Variants in DLC1 observed in about 807,000 individuals in gnomAD.
DLC1 encodes the protein DLC1 Rho GTPase activating protein, also known as rho GTPase-activating protein 7.
Under a neutral mutation model 140.3 loss-of-function variants are expected in DLC1, and 54 were observed. That is an observed-to-expected ratio of 0.38 (90% CI 0.31 to 0.48). DLC1 has a LOEUF of 0.48. DLC1 is among the 20% of genes least tolerant of loss of function. DLC1 has a pLI of 0.96. For missense variants in DLC1, 2,536 were observed against 1,907.0 expected (o/e 1.33, Z -6.14); for synonymous variants, 986 against 728.1 (o/e 1.35, Z -5.70).
intron 2 of DLC1, among the ~76,000 whole-genome samples, chr8:13,482,968 C>T (rs1800803291): frequency 6.6e-6 from 1 of 152,180 alleles, no homozygotes; most frequent in Non-Finnish European, 1.5e-5. Flanking sequence ...TCACTACAAA[C>T]TTAACTGTTC....
intron 1 of DLC1, among the ~76,000 whole-genome samples, chr8:13,541,206 C>T (rs548831183): frequency 2.6e-5 from 4 of 152,172 alleles, no homozygotes; most frequent in Non-Finnish European, 4.4e-5. Flanking sequence ...CACAGGTTGG[C>T]GGGCATTTTG....
intron 2 of DLC1, among the ~76,000 whole-genome samples, chr8:13,489,472 A>T (rs185462435): frequency 6.7e-6 from 1 of 149,566 alleles, no homozygotes. Context: ...TATTAAGAAT[A>T]GCTGAAGTCA....
chr8:13,094,954 C>T lies in DLC1; in HGVS notation c.3331G>A (p.Gly1111Arg). ...YLRNHCLDQV[G>R]LFRKSGVKSR... is the part of the protein sequence containing the mutation. Reference sequence around the variant, plus strand: ...TTGACCCCCGATTTTCTGAAGAGCCCAACCTGTCGGAAGAGCAACACTAAG... The same window carrying T: ...TTGACCCCCGATTTTCTGAAGAGCCTAACCTGTCGGAAGAGCAACACTAAG... The change falls in exon 12 of 18, where the codon GGG becomes AGG. Residue 1111 changes from glycine (G) to arginine (R), a missense_variant. By Grantham distance (125) the Gly-to-Arg change is moderately radical (BLOSUM62 -2). Coordinates refer to ENST00000276297, the MANE Select transcript of DLC1 (RefSeq NM_182643.3). 1 of 1,614,174 alleles carries T rather than the reference C, an allele frequency of 6.2e-7. No homozygotes were observed. The highest frequency in any genetic ancestry group is 8.5e-7 in the Non-Finnish European group (1 of 1,180,020).
chr8:13,371,684 G>A (rs2117119382), intron 4 of DLC1, among the ~76,000 whole-genome samples: 1 of 151,508 alleles, frequency 6.6e-6, no homozygotes, highest in East Asian at 1.9e-4. Context: ...AGCACCCATT[G>A]TGTAACACCT....
chr8:13,400,283 C>T (rs772556656), intron 3 of DLC1, among the ~76,000 whole-genome samples: 2 of 152,028 alleles, frequency 1.3e-5, no homozygotes, highest in African/African-American at 2.4e-5. Flanking sequence ...GTGCTTGATC[C>T]GTGCGGTACT....
chr8:13,096,144 T>C (rs1433910073), intron 10 of DLC1: 1 of 152,168 alleles, frequency 6.6e-6, no homozygotes, highest in African/African-American at 2.4e-5. Context: ...GAAAAGAACC[T>C]TGTGTAGGAT....
intron 5 of DLC1, among the ~76,000 whole-genome samples, chr8:13,139,751 C>T (rs1822835746): frequency 1.3e-5 from 2 of 152,216 alleles, no homozygotes; most frequent in Admixed American, 1.3e-4. Flanking sequence ...TGGTCTTTAC[C>T]AAGGACAGCT....
intron 13 of DLC1, among the ~76,000 whole-genome samples, chr8:13,092,142 G>A (rs1179801025): frequency 6.6e-6 from 1 of 152,212 alleles, no homozygotes; most frequent in African/African-American, 2.4e-5. Flanking sequence ...CTACTCGGGA[G>A]GCTGAGGCAG....
chr8:13,221,144 C>T (rs1196880493), intron 5 of DLC1, among the ~76,000 whole-genome samples: 2 of 152,140 alleles, frequency 1.3e-5, no homozygotes, highest in Admixed American at 6.5e-5. Context: ...AGGTCATTAG[C>T]TTTCACAAGT....
intron 5 of DLC1, among the ~76,000 whole-genome samples, chr8:13,237,083 G>A (rs909414590): frequency 6.6e-6 from 1 of 151,620 alleles, no homozygotes; most frequent in Non-Finnish European, 1.5e-5. Context: ...TTCTCATACA[G>A]AAGTGCTTAT....
exon 1 of DLC1, chr8:13,604,588 T>G (rs1278967030): frequency 6.6e-6 from 1 of 152,222 alleles, no homozygotes; most frequent in Non-Finnish European, 1.5e-5. Context: ...ATGAACTCAC[T>G]GCCAATGTGT....
At chr8:13,182,778 T>G (rs1826117694) in intron 5 of DLC1, among the ~76,000 whole-genome samples, 2 of 152,190 alleles carry the variant, frequency 1.3e-5, no homozygotes, top group African/African-American at 4.8e-5. Context: ...TTGTTCTTTT[T>G]GCTTAGGATT....
Position 13,514,693 on chromosome 8 carries a change from T to G in DLC1, c.-217A>C, listed in dbSNP as rs1036988660. 7 of 398,428 alleles carry G rather than the reference T, an allele frequency of 1.8e-5. No individual in the cohort carries two copies. The highest frequency in any genetic ancestry group is 3.1e-5 in the Non-Finnish European group (7 of 226,022). The allele number at this position is 398,428 out of a possible 1,614,324, so 24.7% of individuals were successfully genotyped here. A position where few individuals can be genotyped will look rare whatever the true frequency, so the allele number is the denominator to read the frequency against. ...CGTCCCCGTTAGTTTCTCCAAAATCTAAGTTCCCATTTCGTGGTTGAGATC... is the reference window on the plus strand; with the variant it reads ...CGTCCCCGTTAGTTTCTCCAAAATCGAAGTTCCCATTTCGTGGTTGAGATC... On this transcript the variant is annotated 5_prime_UTR_variant, in exon 1 of 18. An upstream open reading frame in the 5' UTR loses its in-frame stop. Transcript: ENST00000276297.
At chr8:13,376,955 A>T (rs1468189126) in intron 4 of DLC1, among the ~76,000 whole-genome samples, 3 of 152,176 alleles carry the variant, frequency 2.0e-5, no homozygotes, top group Admixed American at 1.3e-4. Flanking sequence ...TATAAAGAGG[A>T]GAAGGAAAAA....
chr8:13,298,576 A>C (rs535186054), intron 5 of DLC1, among the ~76,000 whole-genome samples: 1 of 152,360 alleles, frequency 6.6e-6, no homozygotes, highest in South Asian at 2.1e-4. Flanking sequence ...CATGATCTAG[A>C]GAAGACACAC....
At chr8:13,096,803 T>G (rs1027107718) in intron 10 of DLC1, among the ~76,000 whole-genome samples, 1 of 152,222 alleles carries the variant, frequency 6.6e-6, no homozygotes, top group Non-Finnish European at 1.5e-5. Context: ...CAACTTGGGT[T>G]TGCTACAGAG....
intron 5 of DLC1, among the ~76,000 whole-genome samples, chr8:13,261,417 C>G (rs1830462732): frequency 1.3e-5 from 2 of 152,098 alleles, no homozygotes; most frequent in South Asian, 4.1e-4. Context: ...GCAGAGACTT[C>G]TTGGCCATAG....
intron 5 of DLC1, among the ~76,000 whole-genome samples, chr8:13,174,898 A>G (rs981390761): frequency 6.6e-6 from 1 of 151,976 alleles, no homozygotes; most frequent in Non-Finnish European, 1.5e-5. Context: ...TTTTGTTGCA[A>G]TTGATTTTGA....
chr8:13,406,779 A>G (rs777334967), intron 2 of DLC1, among the ~76,000 whole-genome samples: 6 of 152,184 alleles, frequency 3.9e-5, no homozygotes, highest in Non-Finnish European at 8.8e-5. Context: ...TGTGTTCTAT[A>G]TACCCTCTTT....
Sources: gnomAD v4.1 joint callset for allele counts (sites outside exome capture counted in the v4.1 genomes callset) on GRCh38, gnomAD v4.1.1 for gene constraint, MANE v1.5 for transcripts, NCBI Gene and HGNC (gene_info 2026-07-23, HGNC 2026-07-21) for gene names.